Variants in KDM2B observed in about 807,000 individuals in gnomAD.
KDM2B encodes lysine demethylase 2B.
In KDM2B, 26 loss-of-function variants were observed where a neutral mutation model predicts 150.0. The ratio of observed to expected loss-of-function variants is 0.17; its 90% CI spans 0.13 to 0.24. KDM2B has a LOEUF of 0.24. KDM2B is among the 10% of genes least tolerant of loss of function. The pLI is 1.00. For synonymous variants in KDM2B, 734 were observed against 729.5 expected, an observed-to-expected ratio of 1.01 and a Z score of -0.10; for missense variants, 1,265 against 1,816.9, an observed-to-expected ratio of 0.70 and a Z score of 5.52.
chr12:121,524,298 C>T (rs1434570288), intron 8 of KDM2B, among the ~76,000 whole-genome samples: 1 of 152,208 alleles, frequency 6.6e-6, no homozygotes, highest in Non-Finnish European at 1.5e-5. Context: ...ATCACAAGGG[C>T]TCTGGTAGAG....
intron 4 of KDM2B, among the ~76,000 whole-genome samples, chr12:121,561,084 G>A (rs372003056): frequency 2.1e-5 from 3 of 143,432 alleles, no homozygotes; most frequent in Non-Finnish European, 4.6e-5. Context: ...TCTGGCTCCC[G>A]GGCTGCACAC....
chr12:121,466,530 T>A (rs1343211494), intron 12 of KDM2B, among the ~76,000 whole-genome samples: 1 of 151,718 alleles, frequency 6.6e-6, no homozygotes, highest in African/African-American at 2.4e-5. Flanking sequence ...CCGCCGCCGC[T>A]GCCGCCGTGC....
chr12:121,423,974 T>C, the KDM2B span: 1 of 163,168 alleles, frequency 6.1e-6, no homozygotes, highest in South Asian at 1.9e-4. The surrounding 1 kb of genome is among the most constrained non-coding windows in gnomAD (Gnocchi z 4.3). Flanking sequence ...GAGATCAGTG[T>C]CCACAAGTGG....
chr12:121,511,396 C>G (rs999206143), intron 10 of KDM2B, among the ~76,000 whole-genome samples: 2 of 151,572 alleles, frequency 1.3e-5, no homozygotes, highest in Admixed American at 6.6e-5. Context: ...AAGCGAGTCT[C>G]CTGCCTCAGC....
chr12:121,452,833 C>A lies in KDM2B; in HGVS notation c.1959+287G>T, dbSNP rs1376289136. ...GAAGGAAGGAAGGGCCCAGAACCGT[C>A]ACCCAGAACCGTAATGTTGGCAACG... On this transcript the variant is annotated intron_variant, in intron 13 of 22. Transcript: ENST00000377071. This position sits in a 1 kb window ranked among gnomAD's most constrained non-coding sequence, Gnocchi z 4.4. Among the ~76,000 whole-genome samples, 4 of 152,202 alleles carry A rather than the reference C, an allele frequency of 2.6e-5. No individual in the cohort carries two copies. Among genetic ancestry groups the A allele is most frequent in the Non-Finnish European group, 5.9e-5 (4 of 68,030 alleles).
At position 121,534,573 on chromosome 12, in the gene KDM2B, A is replaced by G; in HGVS notation, c.701T>C (p.Val234Ala). Residue 234 changes from valine to alanine, a missense_variant, in exon 7 of 23, where the codon GTG becomes GCG. This residue lies in a region of KDM2B where 214 missense variants were observed against 447.4 expected (regional missense o/e 0.48). Transcript: ENST00000377071. ...PKVKKYCLMS[V>A]KGCFTDFHID... is the part of the protein sequence containing the mutation. ...GTGGAAGTCGGTGAAACAACCTTTC[A>G]CGCTCATCAGACAGTACCTGCAACA... is the stretch of plus-strand genomic sequence containing the variant. The G allele has an allele frequency of 6.2e-7, 1 of 1,614,000 alleles. No individual in the cohort carries two copies. Among genetic ancestry groups the G allele is most frequent in the Non-Finnish European group, 8.5e-7 (1 of 1,179,850 alleles).
intron 9 of KDM2B, chr12:121,516,617 C>T (rs1301387444): frequency 9.8e-7 from 1 of 1,022,074 alleles, no homozygotes; most frequent in Non-Finnish European, 1.4e-6. Context: ...AAACAAAAGG[C>T]AAGGCAGTCA....
intron 12 of KDM2B, among the ~76,000 whole-genome samples, chr12:121,465,128 G>A (rs1879691403): frequency 6.6e-6 from 1 of 152,160 alleles, no homozygotes; most frequent in Non-Finnish European, 1.5e-5. Flanking sequence ...ACCTCAAGTC[G>A]TTGCTAAGGA....
In KDM2B at chr12:121,575,782, T is replaced by C. The variant is rs1322028674; in HGVS notation, c.349A>G (p.Lys117Glu). The change falls in exon 3 of 23, where the codon AAG (lysine) becomes GAG (glutamate). Residue 117 changes from lysine to glutamate, a missense_variant and splice_region_variant. Transcript: ENST00000377071. The surrounding 1 kb of genome is among the most constrained non-coding windows in gnomAD (Gnocchi z 4.4). Reference sequence around the variant, plus strand: ...GAGTGATTAGTTTCAGCAACTTACTTAATTCCCAGTCCATCCTTTTCTCGA... The same window carrying C: ...GAGTGATTAGTTTCAGCAACTTACTCAATTCCCAGTCCATCCTTTTCTCGA... ...IFREKDGLGI[K>E]MPDPDFTVRD... 6.2e-7 allele frequency: 1 copy of C among 1,607,906 alleles called. No homozygotes were observed. The highest frequency in any genetic ancestry group is 8.5e-7 in the Non-Finnish European group (1 of 1,174,316).
At chr12:121,540,702 C>T (rs1214953985) in intron 6 of KDM2B, among the ~76,000 whole-genome samples, 4 of 146,594 alleles carry the variant, frequency 2.7e-5, no homozygotes, top group Non-Finnish European at 6.0e-5. Context: ...TGCAGTGAGC[C>T]GAGATTGCAT....
Position 121,494,716 on chromosome 12 carries a change from T to C in KDM2B, c.1648-51A>G, listed in dbSNP as rs370006815. The C allele has an allele frequency of 3.2e-4, 442 of 1,391,392 alleles. 3 individuals carry two copies. The East Asian group carries it at 9.0e-3, about 28-fold the overall frequency. 86.2% of individuals were successfully genotyped at this position (1,391,392 alleles called of 1,614,324 possible). On this transcript the variant is annotated intron_variant, in intron 11 of 22. Transcript: ENST00000377071. ...TAGCCCAGGGGGAAGGGGAGGTCTC[T>C]GAAGACAGCTGAACAGCAGACATAG...
chr12:121,516,742 G>A (rs1450970507), intron 9 of KDM2B: 5 of 646,410 alleles, frequency 7.7e-6, no homozygotes, highest in African/African-American at 7.4e-5. Flanking sequence ...TCTTCAAGCT[G>A]AGTGACCTCA....
chr12:121,484,743 G>A lies in KDM2B; in HGVS notation c.1734+9836C>T, dbSNP rs192661522. On this transcript the variant is annotated intron_variant, in intron 12 of 22. Coordinates refer to ENST00000377071, the MANE Select transcript of KDM2B (RefSeq NM_032590.5). Reference sequence around the variant, plus strand: ...TGAGGTGGGAGGATCCCTTGAGCCCGGGAGGTCGAGGCTGCAGTGAGCTGT... The same window carrying A: ...TGAGGTGGGAGGATCCCTTGAGCCCAGGAGGTCGAGGCTGCAGTGAGCTGT... 5.4e-3 allele frequency among the ~76,000 whole-genome samples: 822 copies of A among 152,206 alleles called. 4 individuals carry two copies. The highest frequency in any genetic ancestry group is 9.3e-3 in the Non-Finnish European group (630 of 68,004).
intron 6 of KDM2B, among the ~76,000 whole-genome samples, chr12:121,538,622 C>T (rs1888359513): frequency 6.6e-6 from 1 of 152,166 alleles, no homozygotes; most frequent in South Asian, 2.1e-4. Flanking sequence ...TACATATTCA[C>T]CGCATCATCC....
chr12:121,498,500 T>A (rs1555301380), intron 11 of KDM2B, among the ~76,000 whole-genome samples: 2 of 152,240 alleles, frequency 1.3e-5, no homozygotes. Context: ...AATCTCTGCA[T>A]TTTTAAATGT....
intron 8 of KDM2B, among the ~76,000 whole-genome samples, chr12:121,524,035 GTTA>G (rs1313823143): frequency 2.0e-5 from 3 of 152,150 alleles, no homozygotes; most frequent in Non-Finnish European, 2.9e-5. Flanking sequence ...ATTGAATGCT[GTTA>G]TTGTCGCCAT....
chr12:121,573,807 T>G (rs879946418), intron 4 of KDM2B, among the ~76,000 whole-genome samples: 2 of 151,178 alleles, frequency 1.3e-5, no homozygotes, highest in Non-Finnish European at 2.9e-5. Context: ...CAGGATGGTC[T>G]CGATCTCCTG....
intron 11 of KDM2B, among the ~76,000 whole-genome samples, chr12:121,504,845 G>A (rs780404113): frequency 2.0e-5 from 3 of 152,038 alleles, no homozygotes; most frequent in South Asian, 4.1e-4. Context: ...CACCGAGCGC[G>A]GTGGCTCACG....
rs782099009 is a variant in KDM2B, at chr12:121,442,762, G to T, written c.2679C>A (p.Pro893=). 6.5e-7 allele frequency: 1 copy of T among 1,548,928 alleles called. No individual in the cohort carries two copies. Among genetic ancestry groups the T allele is most frequent in the East Asian group, 2.3e-5 (1 of 44,440 alleles). Residue 893 remains proline, a synonymous_variant, in exon 19 of 23, where the codon CCC becomes CCA. Transcript: ENST00000377071. This position sits in a 1 kb window ranked among gnomAD's most constrained non-coding sequence, Gnocchi z 7.7. Reference sequence around the variant, plus strand: ...GGGGCGCCTCGGGCAGTTCGTCCTCGGGTTCCTGCTTGAAGCGCCGGAGGG... The same window carrying T: ...GGGGCGCCTCGGGCAGTTCGTCCTCTGGTTCCTGCTTGAAGCGCCGGAGGG... ...NKPLRRFKQE[P]EDELPEAPPK...
Sources: allele counts gnomAD v4.1 joint callset (sites outside exome capture counted in the v4.1 genomes callset), GRCh38; gene constraint gnomAD v4.1.1; regional missense constraint gnomAD v4.1.1; non-coding constraint Gnocchi (gnomAD v3.1); transcripts MANE v1.5; gene names NCBI Gene and HGNC (gene_info 2026-07-23, HGNC 2026-07-21).